TUT4: variants seen among roughly 807,000 people sequenced by gnomAD.
TUT4 encodes the protein terminal uridylyltransferase 4.
In TUT4, 36 loss-of-function variants were observed where a neutral mutation model predicts 192.2. The ratio of observed to expected loss-of-function variants is 0.19; its 90% CI spans 0.14 to 0.25. The LOEUF is 0.25. Among genes scored for constraint, TUT4 ranks in the 10% least tolerant of loss-of-function variants. The pLI is 1.00. For missense variants in TUT4, 1,493 were observed against 1,957.2 expected (o/e 0.76, Z 4.47); for synonymous variants, 618 against 666.0 (o/e 0.93, Z 1.11).
intron 1 of TUT4, among the ~76,000 whole-genome samples, chr1:52,548,230 C>T (rs1571567782): frequency 6.6e-6 from 1 of 152,102 alleles, no homozygotes; most frequent in African/African-American, 2.4e-5. Context: ...ACATGACTAG[C>T]ACTTAATGAA....
chr1:52,498,490 C>A (rs1446448864), intron 4 of TUT4, among the ~76,000 whole-genome samples: 2 of 152,010 alleles, frequency 1.3e-5, no homozygotes, highest in Admixed American at 6.6e-5. Context: ...GTGGTCCACC[C>A]ACCTCGGCCT....
intron 2 of TUT4, among the ~76,000 whole-genome samples, chr1:52,523,599 C>T (rs1040629370): frequency 6.6e-6 from 1 of 150,480 alleles, no homozygotes; most frequent in African/African-American, 2.4e-5. Context: ...GTCTCAAAAA[C>T]AAAACCAAAC....
intron 21 of TUT4, 31 bp downstream of exon 21, chr1:52,446,559 T>C: frequency 6.3e-7 from 1 of 1,576,184 alleles, no homozygotes; most frequent in Non-Finnish European, 8.6e-7. Flanking sequence ...TCAGTGAGCA[T>C]TCTAGAACAT....
At chr1:52,506,400 G>T (rs1675576472) in intron 4 of TUT4, among the ~76,000 whole-genome samples, 1 of 152,078 alleles carries the variant, frequency 6.6e-6, no homozygotes, top group Admixed American at 6.5e-5. Context: ...GACTGAACTG[G>T]GAAGTATTTC....
At chr1:52,460,223 A>C (rs1353168851) in intron 19 of TUT4, among the ~76,000 whole-genome samples, 2 of 151,924 alleles carry the variant, frequency 1.3e-5, no homozygotes, top group African/African-American at 4.8e-5. Context: ...AGTCAGGCAC[A>C]ATAATCCCAG....
chr1:52,520,589 T>A (rs984713395), intron 2 of TUT4, among the ~76,000 whole-genome samples: 1 of 152,200 alleles, frequency 6.6e-6, no homozygotes, highest in African/African-American at 2.4e-5. Flanking sequence ...CATTAAAGTT[T>A]GAGAAACCCA....
chr1:52,498,224 C>G (rs1466656937), intron 4 of TUT4, among the ~76,000 whole-genome samples: 4 of 149,932 alleles, frequency 2.7e-5, no homozygotes, highest in African/African-American at 9.8e-5. Flanking sequence ...CTTACATAAG[C>G]ATCTAAGTTT....
chr1:52,446,816 G>A, intron 20 of TUT4, 149 bp from the exon 21 acceptor site: 1 of 584,892 alleles, frequency 1.7e-6, no homozygotes, highest in East Asian at 3.0e-5. Context: ...ATAATTTGAT[G>A]CCAAGAAGTT....
chr1:52,509,761 T>C (rs1004511047), intron 3 of TUT4, 49 bp from the exon 4 acceptor site: 1 of 1,054,570 alleles, frequency 9.5e-7, no homozygotes, highest in East Asian at 2.4e-5. Flanking sequence ...AACAGAGGAG[T>C]AAACTATTGA....
At chr1:52,504,478 A>C (rs1411629433) in intron 4 of TUT4, among the ~76,000 whole-genome samples, 1 of 152,112 alleles carries the variant, frequency 6.6e-6, no homozygotes, top group African/African-American at 2.4e-5. Context: ...AAAAATACAA[A>C]AATTAGCCAG....
At chr1:52,503,560 T>C (rs576790678) in intron 4 of TUT4, among the ~76,000 whole-genome samples, 8 of 152,110 alleles carry the variant, frequency 5.3e-5, no homozygotes, top group Admixed American at 2.6e-4. Flanking sequence ...AAAACCTCCT[T>C]AGTTGCCAAA....
intron 4 of TUT4, among the ~76,000 whole-genome samples, chr1:52,501,443 C>CG (rs1325324490): frequency 1.0e-5 from 1 of 98,398 alleles, no homozygotes; most frequent in Non-Finnish European, 2.1e-5. Context: ...TATGGGGGGG[C>CG]GGGGGGAGGC....
At chr1:52,438,493 C>G (rs1305380868) in intron 24 of TUT4, among the ~76,000 whole-genome samples, 158 bp from the exon 25 acceptor site, 1 of 152,194 alleles carries the variant, frequency 6.6e-6, no homozygotes, top group Non-Finnish European at 1.5e-5. Flanking sequence ...AAATAAGATT[C>G]ACAATCATCA....
At chr1:52,448,868 T>G (rs1658436203) in intron 20 of TUT4, among the ~76,000 whole-genome samples, 2 of 152,218 alleles carry the variant, frequency 1.3e-5, no homozygotes, top group African/African-American at 4.8e-5. Context: ...ATGATTGTTT[T>G]TAAGAGATTT....
At position 52,461,744 on chromosome 1, in the gene TUT4, T is replaced by G; in HGVS notation, c.3095A>C (p.Glu1032Ala). The G allele has an allele frequency of 6.9e-7, 1 of 1,439,776 alleles. No individual in the cohort carries two copies. The highest frequency in any genetic ancestry group is 9.5e-7 in the Non-Finnish European group (1 of 1,048,520). 89.2% of individuals were successfully genotyped at this position (1,439,776 alleles called of 1,614,324 possible). A position where few individuals can be genotyped will look rare whatever the true frequency, so the allele number is the denominator to read the frequency against. Residue 1032 changes from glutamate to alanine, a missense_variant, in exon 17 of 30, where the codon GAA (glutamate) becomes GCA (alanine). This residue lies in a region of TUT4 where 141 missense variants were observed against 382.7 expected (regional missense o/e 0.37). Coordinates refer to ENST00000257177, the MANE Select transcript of TUT4 (RefSeq NM_001009881.3). The stretch of plus-strand genomic sequence containing the variant: ...TCTCTTAAGAATTTTTGCCAAATTT[T>G]CAATTATTTCCTTACAATTTAATTT... The part of the protein sequence containing the change: ...AEKLNCKEII[E>A]NLAKILKRHP...
chr1:52,436,739 G>A lies in TUT4; in HGVS notation c.4162+16C>T. 1.2e-6 allele frequency: 2 copies of A among 1,612,372 alleles called. No homozygotes were observed. Among genetic ancestry groups the A allele is most frequent in the South Asian group, 2.2e-5 (2 of 90,998 alleles). ...TTCGTTTCTACCAGAAACTATGTTTGGCCTTTTCTATTTACCTGCCACACT... is the reference window on the plus strand; with the variant it reads ...TTCGTTTCTACCAGAAACTATGTTTAGCCTTTTCTATTTACCTGCCACACT... On this transcript the variant is annotated intron_variant, in intron 26 of 29. Transcript: ENST00000257177.
At chr1:52,478,870 C>G (rs1400879407) in intron 11 of TUT4, among the ~76,000 whole-genome samples, 3 of 152,068 alleles carry the variant, frequency 2.0e-5, no homozygotes, top group African/African-American at 7.2e-5. Flanking sequence ...TCCAGGCACT[C>G]GGGATACATC....
chr1:52,530,936 G>A (rs1683218046), intron 1 of TUT4, among the ~76,000 whole-genome samples: 1 of 152,148 alleles, frequency 6.6e-6, no homozygotes, highest in South Asian at 2.1e-4. Context: ...CCAGGAGGGA[G>A]AGGTTGCAGT....
chr1:52,504,340 T>C (rs1323265825), intron 4 of TUT4, among the ~76,000 whole-genome samples: 1 of 152,014 alleles, frequency 6.6e-6, no homozygotes, highest in Non-Finnish European at 1.5e-5. Flanking sequence ...CTTGCAAAAA[T>C]ACATGTTATG....
Sources: allele counts gnomAD v4.1 joint callset (sites outside exome capture counted in the v4.1 genomes callset), GRCh38; gene constraint gnomAD v4.1.1; regional missense constraint gnomAD v4.1.1; transcripts MANE v1.5; gene names NCBI Gene and HGNC (gene_info 2026-07-23, HGNC 2026-07-21).